The following SLC9C1 variants were observed in gnomAD, a reference collection of about 807,000 sequenced individuals.
SLC9C1 encodes solute carrier family 9 member C1.
A neutral mutation model predicts 140.9 loss-of-function variants in SLC9C1; 97 were observed. That is an observed-to-expected ratio of 0.69 (90% CI 0.58 to 0.82). The LOEUF (loss-of-function observed/expected upper bound fraction) is 0.82. SLC9C1 is among the 40% of genes least tolerant of loss of function. The pLI is 0.00. For synonymous variants in SLC9C1, 440 were observed against 442.6 expected, an observed-to-expected ratio of 0.99 and a Z score of 0.07; for missense variants, 1,340 against 1,389.3, an observed-to-expected ratio of 0.96 and a Z score of 0.56.
At chr3:112,158,881 T>C (rs2075204351) in intron 26 of SLC9C1, among the ~76,000 whole-genome samples, 1 of 151,988 alleles carries the variant, frequency 6.6e-6, no homozygotes, top group Non-Finnish European at 1.5e-5. Flanking sequence ...TTTTAACTTC[T>C]GGTTTTATTG....
At chr3:112,191,366 C>G (rs567592431) in intron 20 of SLC9C1, among the ~76,000 whole-genome samples, 1 of 152,242 alleles carries the variant, frequency 6.6e-6, no homozygotes, top group South Asian at 2.1e-4. Context: ...GATACATTCT[C>G]TCTATGCCTA....
At chr3:112,287,821 G>C (rs1464701874) in intron 1 of SLC9C1, among the ~76,000 whole-genome samples, 1 of 152,154 alleles carries the variant, frequency 6.6e-6, no homozygotes, top group Non-Finnish European at 1.5e-5. Context: ...GCCGAGGCGG[G>C]TGGGTCACGA....
At chr3:112,241,041 A>T (rs1009782570) in intron 11 of SLC9C1, among the ~76,000 whole-genome samples, 14 of 152,174 alleles carry the variant, frequency 9.2e-5, no homozygotes, top group Non-Finnish European at 2.1e-4. Flanking sequence ...AGAAAGAATA[A>T]ATAAGACTTA....
intron 22 of SLC9C1, among the ~76,000 whole-genome samples, 192 bp from the exon 23 acceptor site, chr3:112,179,893 A>G (rs991453660): frequency 1.3e-5 from 2 of 152,198 alleles, no homozygotes; most frequent in Non-Finnish European, 2.9e-5. Flanking sequence ...ATTCTTAAAT[A>G]CTCTGATCTT....
intron 13 of SLC9C1, among the ~76,000 whole-genome samples, chr3:112,225,032 A>C (rs2078647069): frequency 6.6e-6 from 1 of 152,166 alleles, no homozygotes; most frequent in African/African-American, 2.4e-5. Flanking sequence ...AGATCCAGGA[A>C]GGTCAAATAT....
At chr3:112,183,300 T>G (rs2077472217) in intron 20 of SLC9C1, among the ~76,000 whole-genome samples, 1 of 149,470 alleles carries the variant, frequency 6.7e-6, no homozygotes, top group Admixed American at 6.7e-5. Context: ...GTATTTCATT[T>G]GGGTTTTAAT....
rs887328860 is a variant in SLC9C1 at position 112,269,909 on chromosome 3, CACTT to C, written c.775+3_775+6del. ...GATTTTATTTTAGGCATAGGCCCCTCACTTACAAATATAAAAGATGAGATACAGA... is the reference window on the plus strand; with the variant it reads ...GATTTTATTTTAGGCATAGGCCCCTCACAAATATAAAAGATGAGATACAGA... On this transcript the variant is annotated splice_donor_5th_base_variant and intron_variant, in intron 7 of 28. Coordinates refer to ENST00000305815, the MANE Select transcript of SLC9C1 (RefSeq NM_183061.3). 6.7e-6 allele frequency: 10 copies of C among 1,498,764 alleles called. No homozygotes were observed. Among genetic ancestry groups the C allele is most frequent in the African/African-American group, 1.4e-5 (1 of 69,708 alleles). The allele number at this position is 1,498,764 out of a possible 1,614,324, so 92.8% of individuals were successfully genotyped here. A position where few individuals can be genotyped will look rare whatever the true frequency, so the allele number is the denominator to read the frequency against.
chr3:112,231,913 C>T (rs1360043868), intron 12 of SLC9C1, among the ~76,000 whole-genome samples: 1 of 151,992 alleles, frequency 6.6e-6, no homozygotes, highest in Admixed American at 6.6e-5. Context: ...TTTCTAAAAC[C>T]CCATTTGAAA....
intron 13 of SLC9C1, among the ~76,000 whole-genome samples, chr3:112,229,662 C>T (rs1340068219): frequency 6.6e-6 from 1 of 151,422 alleles, no homozygotes; most frequent in Non-Finnish European, 1.5e-5. Context: ...GAATTAGTGG[C>T]AATAGGGGTG....
At chr3:112,232,464 G>C (rs997761185) in intron 12 of SLC9C1, among the ~76,000 whole-genome samples, 2 of 152,146 alleles carry the variant, frequency 1.3e-5, no homozygotes, top group African/African-American at 4.8e-5. Context: ...CATGGTACTT[G>C]TTCCATCCAG....
chr3:112,168,386 A>C (rs925223572), intron 25 of SLC9C1, among the ~76,000 whole-genome samples: 4 of 150,432 alleles, frequency 2.7e-5, no homozygotes, highest in Non-Finnish European at 3.0e-5. Flanking sequence ...CCTTCTTTAC[A>C]TGGCTCAGGT....
At chr3:112,210,440 A>T (rs984239766) in intron 15 of SLC9C1, among the ~76,000 whole-genome samples, 1 of 152,256 alleles carries the variant, frequency 6.6e-6, no homozygotes, top group Non-Finnish European at 1.5e-5. Context: ...AGCGAGAAAC[A>T]CAAGGCTACA....
chr3:112,173,550 G>C (rs1199786010), intron 23 of SLC9C1, among the ~76,000 whole-genome samples: 2 of 152,166 alleles, frequency 1.3e-5, no homozygotes, highest in Non-Finnish European at 1.5e-5. Context: ...TTCTGTTCCT[G>C]TGTTAGTTTG....
At chr3:112,191,284 G>A (rs1267902465) in intron 20 of SLC9C1, among the ~76,000 whole-genome samples, 1 of 151,990 alleles carries the variant, frequency 6.6e-6, no homozygotes, top group Non-Finnish European at 1.5e-5. Flanking sequence ...TCTTCTCTCT[G>A]ATTTTTCAAC....
chr3:112,236,905 T>G (rs943712796), intron 12 of SLC9C1, among the ~76,000 whole-genome samples: 1 of 152,222 alleles, frequency 6.6e-6, no homozygotes, highest in Admixed American at 6.5e-5. Flanking sequence ...AGTTTTGGAA[T>G]AAGTGCAGTG....
At chr3:112,153,506 A>G (rs1419068006) in intron 27 of SLC9C1, among the ~76,000 whole-genome samples, 1 of 152,168 alleles carries the variant, frequency 6.6e-6, no homozygotes, top group African/African-American at 2.4e-5. Context: ...AAGAATTAGA[A>G]TAGGTGCATG....
At chr3:112,150,135 C>T (rs1221138377) in intron 28 of SLC9C1, among the ~76,000 whole-genome samples, 2 of 152,180 alleles carry the variant, frequency 1.3e-5, no homozygotes, top group Admixed American at 6.5e-5. Flanking sequence ...GCAGTGAAGG[C>T]TCCTACCCTG....
At position 112,204,338 on chromosome 3, in the gene SLC9C1, T is replaced by G. The variant is rs754350352; in HGVS notation, c.2052A>C (p.Leu684Phe). Reference protein sequence around the residue: ...AWNIFELAITLIGILHVILIE... With the variant: ...AWNIFELAITFIGILHVILIE... Reference sequence around the variant, plus strand: ...TAAGTATTACATGTAAGATGCCAATTAATGTAATTGCTAACTCGAATATGT... The same window carrying G: ...TAAGTATTACATGTAAGATGCCAATGAATGTAATTGCTAACTCGAATATGT... The change falls in exon 17 of 29, where the codon TTA (leucine) becomes TTC (phenylalanine). Residue 684 changes from leucine to phenylalanine, a missense_variant. By Grantham distance (22) the Leu-to-Phe change is conservative. Transcript: ENST00000305815. The G allele has an allele frequency of 1.9e-6, 3 of 1,573,694 alleles. No individual in the cohort carries two copies. The South Asian group carries it at 3.7e-5, about 19-fold the overall frequency.
At chr3:112,212,409 A>G (rs1201886552) in intron 15 of SLC9C1, among the ~76,000 whole-genome samples, 1 of 152,216 alleles carries the variant, frequency 6.6e-6, no homozygotes, top group African/African-American at 2.4e-5. Context: ...AACTTCTCCG[A>G]GCTAAAGGAG....
Sources: gnomAD v4.1 joint callset for allele counts (sites outside exome capture counted in the v4.1 genomes callset) on GRCh38, gnomAD v4.1.1 for gene constraint, MANE v1.5 for transcripts, NCBI Gene and HGNC (gene_info 2026-07-23, HGNC 2026-07-21) for gene names.